Variants in PITRM1 observed in about 807,000 individuals in gnomAD.
The protein encoded by PITRM1 is presequence protease, mitochondrial.
PITRM1 carries 100 observed loss-of-function variants against 129.9 expected under a neutral mutation model. The ratio of observed to expected loss-of-function variants is 0.77; its 90% CI spans 0.65 to 0.91. The LOEUF is 0.91. Among genes scored for constraint, PITRM1 ranks in the 40% least tolerant of loss-of-function variants. The pLI, the probability that PITRM1 is intolerant of heterozygous loss-of-function variation, is 0.00. For synonymous variants in PITRM1, 591 were observed against 508.8 expected, an observed-to-expected ratio of 1.16 and a Z score of -2.17; for missense variants, 1,471 against 1,318.3, an observed-to-expected ratio of 1.12 and a Z score of -1.79.
chr10:3,145,783 T>A, intron 20 of PITRM1, 67 bp from the exon 21 acceptor site: 1 of 1,179,982 alleles, frequency 8.5e-7, no homozygotes, highest in Non-Finnish European at 1.2e-6. Flanking sequence ...TTCATCACAT[T>A]TTGTATAACT....
chr10:3,172,490 C>T (rs1843467949), intron 1 of PITRM1, among the ~76,000 whole-genome samples: 1 of 152,176 alleles, frequency 6.6e-6, no homozygotes, highest in South Asian at 2.1e-4. Context: ...AGGCCCGGCC[C>T]CCAGCCCGGG....
chr10:3,139,237 A>T (rs1216877605), intron 24 of PITRM1, among the ~76,000 whole-genome samples, 188 bp from the exon 25 acceptor site: 2 of 152,116 alleles, frequency 1.3e-5, no homozygotes, highest in Non-Finnish European at 2.9e-5. Flanking sequence ...CTGATCACAT[A>T]AGCCTTTCAA....
rs1842626753 is a variant in PITRM1, at chr10:3,163,612, A to C, written c.791+113T>G. On this transcript the variant is annotated intron_variant, in intron 7 of 26. Coordinates refer to ENST00000224949, the MANE Select transcript of PITRM1 (RefSeq NM_014889.4). Reference sequence around the variant, plus strand: ...TAGGCCAAGAATCTTACCTAGACTTAGATATTTCTTAAGCATTGCTAAATG... The same window carrying C: ...TAGGCCAAGAATCTTACCTAGACTTCGATATTTCTTAAGCATTGCTAAATG... The C allele has an allele frequency of 3.3e-6, 3 of 912,802 alleles. No homozygotes were observed. The African/African-American group carries it at 5.0e-5, about 15-fold the overall frequency. 56.5% of individuals were successfully genotyped at this position (912,802 alleles called of 1,614,324 possible). A position where few individuals can be genotyped will look rare whatever the true frequency, so the allele number is the denominator to read the frequency against.
At position 3,155,630 on chromosome 10, in the gene PITRM1, C is replaced by G; in HGVS notation, c.1582G>C (p.Ala528Pro). Residue 528 changes from alanine to proline, a missense_variant, in exon 14 of 27, where the codon GCT becomes CCT. Transcript: ENST00000224949. ...TGCTGCCTGTCTCCGGGGGACAGAG[C>G]CTCGACCTTCTGCTTGAGCTTCGTG... The part of the protein sequence containing the change: ...EATKLKQKVE[A>P]LSPGDRQQIY... 1 of 1,613,904 alleles carries G rather than the reference C, an allele frequency of 6.2e-7. No homozygotes were observed.
chr10:3,172,182 CTTATA>C (rs1202702605), intron 1 of PITRM1: 1 of 456,628 alleles, frequency 2.2e-6, no homozygotes. Flanking sequence ...GAACTATTAC[CTTATA>C]TTAAACACGG....
intron 23 of PITRM1, chr10:3,141,800 C>A: frequency 6.0e-6 from 2 of 332,896 alleles, no homozygotes; most frequent in Non-Finnish European, 6.4e-6. Flanking sequence ...TGGGCGTGTT[C>A]CCAGGGGCTG....
intron 2 of PITRM1, among the ~76,000 whole-genome samples, chr10:3,169,837 G>T (rs1423656243): frequency 6.6e-6 from 1 of 152,236 alleles, no homozygotes; most frequent in Non-Finnish European, 1.5e-5. Flanking sequence ...ACGCTAGTGT[G>T]TCTGATTACA....
At chr10:3,165,162 C>T (rs1325699167) in intron 6 of PITRM1, 76 bp downstream of exon 6, 1 of 1,003,560 alleles carries the variant, frequency 1.0e-6, no homozygotes, top group Non-Finnish European at 1.5e-6. Context: ...ATAAAATCTT[C>T]CAGATGTGTC....
Position 3,148,278 on chromosome 10 carries a change from G to C in PITRM1, c.1885C>G (p.Leu629Val). 1.9e-6 allele frequency: 3 copies of C among 1,612,024 alleles called. No homozygotes were observed. The highest frequency in any genetic ancestry group is 2.5e-6 in the Non-Finnish European group (3 of 1,178,844). Residue 629 changes from leucine to valine, a missense_variant, in exon 17 of 27, where the codon CTT (leucine) becomes GTT (valine). Transcript: ENST00000224949. ...TGAGCCTGCTCCCGGTAGTCAAGAA[G>C]GCCGCAGCCCAGCCTGACACAGCAG... The part of the protein sequence containing the change: ...CSVLTKLGCG[L>V]LDYREQAQQI...
chr10:3,141,134 T>C (rs1005646576), intron 23 of PITRM1, among the ~76,000 whole-genome samples: 1 of 152,198 alleles, frequency 6.6e-6, no homozygotes, highest in Non-Finnish European at 1.5e-5. Context: ...AGAGGCAGGG[T>C]CTAGCTTTGT....
At chr10:3,166,700 C>A (rs536847553) in intron 3 of PITRM1, among the ~76,000 whole-genome samples, 1 of 152,332 alleles carries the variant, frequency 6.6e-6, no homozygotes, top group South Asian at 2.1e-4. Context: ...CTGCAGCCCG[C>A]ATGCTCAGGA....
At chr10:3,155,761 G>T in intron 13 of PITRM1, 32 bp from the exon 14 acceptor site, 1 of 1,611,250 alleles carries the variant, frequency 6.2e-7, no homozygotes, top group Non-Finnish European at 8.5e-7. Context: ...CAAAAGCCAA[G>T]TGAAAACAAG....
At chr10:3,162,841 C>A (rs888569144) in intron 7 of PITRM1, among the ~76,000 whole-genome samples, 1 of 152,176 alleles carries the variant, frequency 6.6e-6, no homozygotes, top group Non-Finnish European at 1.5e-5. Flanking sequence ...AAACCCGGGC[C>A]GACCAGGTGT....
At chr10:3,140,937 C>G in intron 23 of PITRM1, 125 bp from the exon 24 acceptor site, 1 of 903,024 alleles carries the variant, frequency 1.1e-6, no homozygotes. Context: ...AATTATGGTC[C>G]CATATTTTGG....
chr10:3,141,721 C>T (rs1469909377), intron 23 of PITRM1: 1 of 465,196 alleles, frequency 2.1e-6, no homozygotes, highest in Admixed American at 2.4e-5. Flanking sequence ...TCGCCGCTTC[C>T]ACAGACAGGC....
intron 24 of PITRM1, among the ~76,000 whole-genome samples, 197 bp downstream of exon 24, chr10:3,140,490 G>C (rs535314003): frequency 6.6e-6 from 1 of 152,330 alleles, no homozygotes; most frequent in East Asian, 1.9e-4. Context: ...AATGCTTCCT[G>C]TTTCGGCTGC....
intron 2 of PITRM1, among the ~76,000 whole-genome samples, chr10:3,168,195 G>A (rs1843030334): frequency 6.6e-6 from 1 of 152,092 alleles, no homozygotes; most frequent in South Asian, 2.1e-4. Flanking sequence ...AATCTAGGGA[G>A]CCTGCCACGC....
intron 15 of PITRM1, among the ~76,000 whole-genome samples, chr10:3,150,797 C>T (rs1246657495): frequency 6.6e-6 from 1 of 152,186 alleles, no homozygotes; most frequent in African/African-American, 2.4e-5. Flanking sequence ...CAGGACACGG[C>T]AGGGGGATAA....
chr10:3,145,634 T>G lies in PITRM1; in HGVS notation c.2419A>C (p.Lys807Gln). The G allele has an allele frequency of 6.5e-7, 1 of 1,550,204 alleles. No homozygotes were observed. Among genetic ancestry groups the G allele is most frequent in the Non-Finnish European group, 8.7e-7 (1 of 1,147,026 alleles). ...GGGCGCACAGGCCTCCGTTCCTTTT[T>G]ACTCCGACCGATGCTTCTAAGGAAG... is the stretch of plus-strand genomic sequence containing the variant. ...EDFLRSIGRS[K>Q]KERRPVRPHT... Residue 807 changes from lysine to glutamine, a missense_variant, in exon 21 of 27, where the codon AAA (lysine) becomes CAA (glutamine). Coordinates refer to ENST00000224949, the MANE Select transcript of PITRM1 (RefSeq NM_014889.4).
Sources: gnomAD v4.1 joint callset for allele counts (sites outside exome capture counted in the v4.1 genomes callset) on GRCh38, gnomAD v4.1.1 for gene constraint, MANE v1.5 for transcripts, NCBI Gene and HGNC (gene_info 2026-07-23, HGNC 2026-07-21) for gene names.